The following THOC2 variants were observed in gnomAD, a reference collection of about 807,000 sequenced individuals.
THOC2 encodes THO complex subunit 2.
In THOC2, 10 loss-of-function variants were observed where a neutral mutation model predicts 128.4. That is an observed-to-expected ratio of 0.08 (90% confidence interval 0.05 to 0.13). The LOEUF is 0.13. Ranked by LOEUF, THOC2 falls within the 10% of genes least tolerant of loss-of-function variation. THOC2 has a pLI of 1.00. For missense variants in THOC2, 535 were observed against 1,155.7 expected (o/e 0.46, Z 7.79); for synonymous variants, 393 against 396.9 (o/e 0.99, Z 0.12).
At chrX:123,630,822 C>G (rs1432748217) in intron 22 of THOC2, among the ~76,000 whole-genome samples, 2 of 110,943 alleles carry the variant, frequency 1.8e-5, no homozygotes, top group African/African-American at 6.6e-5. Context: ...AGCACAACCA[C>G]AAGATTGCTG....
At chrX:123,668,420 A>T in intron 9 of THOC2, 106 bp from the exon 10 acceptor site, 1 of 490,909 alleles carries the variant, frequency 2.0e-6, no homozygotes, top group Non-Finnish European at 3.1e-6. Context: ...TAAGAAGTCT[A>T]ACTTATTCGT....
intron 15 of THOC2, among the ~76,000 whole-genome samples, chrX:123,644,011 T>C (rs1034191487): frequency 1.8e-5 from 2 of 112,573 alleles, no homozygotes; most frequent in African/African-American, 6.4e-5. Flanking sequence ...CTGAAGTACA[T>C]GATTTTCATA....
intron 12 of THOC2, among the ~76,000 whole-genome samples, chrX:123,645,956 A>G (rs2048112729): frequency 9.0e-6 from 1 of 111,729 alleles, no homozygotes; most frequent in Non-Finnish European, 1.9e-5. Flanking sequence ...GAGCAAAAAA[A>G]AAAAAAAATT....
rs1421372407 is a variant in THOC2, at chrX:123,647,279, T to C, written c.1387-1904A>G. ...CATGCAAATAAAAGCAATTTTCTTT[T>C]GTTTGGTAGGAAAATATATTCTACT... is the stretch of plus-strand genomic sequence containing the variant. On this transcript the variant is annotated intron_variant, in intron 12 of 38. Transcript: ENST00000245838. Among the ~76,000 whole-genome samples the C allele has an allele frequency of 3.6e-5, 4 of 112,227 alleles. No homozygotes were observed. The East Asian group carries it at 8.4e-4, about 24-fold the overall frequency.
intron 2 of THOC2, among the ~76,000 whole-genome samples, chrX:123,709,523 G>A (rs2051094803): frequency 9.0e-6 from 1 of 111,239 alleles, no homozygotes. Context: ...CCCAGGAGGC[G>A]GAGCTTGCAG....
chrX:123,658,562 A>AT (rs1428369541), intron 12 of THOC2, among the ~76,000 whole-genome samples: 1 of 112,292 alleles, frequency 8.9e-6, no homozygotes, highest in Non-Finnish European at 1.9e-5. Context: ...GGAAACCTAA[A>AT]TGTGTATAAT....
rs2047144524 is a variant in THOC2 at position 123,623,118 on chromosome X, A to G, written c.3669T>C (p.Ser1223=). 1 of 1,209,247 alleles carries G rather than the reference A, an allele frequency of 8.3e-7. No homozygotes were observed. The highest frequency in any genetic ancestry group is 1.1e-6 in the Non-Finnish European group (1 of 894,087). Residue 1223 remains serine, a synonymous_variant, in exon 29 of 39, where the codon AGT becomes AGC. Coordinates refer to ENST00000245838, the MANE Select transcript of THOC2 (RefSeq NM_001081550.2). Reference sequence around the variant, plus strand: ...AAATAAGCATACCAGTCTCCTCAGTACTGCTTTCATCCGATTTAGATGCAC... The same window carrying G: ...AAATAAGCATACCAGTCTCCTCAGTGCTGCTTTCATCCGATTTAGATGCAC... The part of the protein sequence containing the change: ...IGSASKSDES[S]TEETDKSRER...
At chrX:123,651,726 C>G (rs1033125559) in intron 12 of THOC2, among the ~76,000 whole-genome samples, 2 of 93,227 alleles carry the variant, frequency 2.1e-5, no homozygotes, top group African/African-American at 8.5e-5. Context: ...GACACATACG[C>G]CCCCCCCCCA....
intron 16 of THOC2, among the ~76,000 whole-genome samples, 189 bp downstream of exon 16, chrX:123,640,349 C>T (rs780976162): frequency 1.8e-5 from 2 of 111,453 alleles, no homozygotes; most frequent in Admixed American, 1.9e-4. Context: ...ATTATATTGC[C>T]TGTAATAGTA....
rs2072914 is a variant in THOC2 at position 123,624,678 on chromosome X, G to A, written c.3058-9C>T. On this transcript the variant is annotated splice_polypyrimidine_tract_variant and intron_variant, in intron 25 of 38. Transcript: ENST00000245838. Reference sequence around the variant, plus strand: ...ATTATGTCAGAGAAAACCTACAGGAGAAAAATGTTTAAAAAATATAAACAA... The same window carrying A: ...ATTATGTCAGAGAAAACCTACAGGAAAAAAATGTTTAAAAAATATAAACAA... 389,251 of 1,191,846 alleles carry A rather than the reference G, an allele frequency of 0.33. 45,559 individuals are homozygous for A. The highest frequency in any genetic ancestry group is 0.71 in the East Asian group (23,746 of 33,486).
chrX:123,656,047 G>A (rs1023090534), intron 12 of THOC2, among the ~76,000 whole-genome samples: 1 of 109,187 alleles, frequency 9.2e-6, no homozygotes, highest in Non-Finnish European at 1.9e-5. Context: ...TAATGGCCGG[G>A]CGTGGTGGCT....
chrX:123,627,591 A>C, intron 23 of THOC2, 102 bp downstream of exon 23: 1 of 843,534 alleles, frequency 1.2e-6, no homozygotes, highest in Non-Finnish European at 1.7e-6. Flanking sequence ...TATAGCAACA[A>C]GATCACTGTT....
intron 7 of THOC2, among the ~76,000 whole-genome samples, chrX:123,692,460 G>C (rs2050260496): frequency 9.7e-6 from 1 of 102,906 alleles, no homozygotes; most frequent in Non-Finnish European, 2.0e-5. Context: ...TAAAAATTTT[G>C]ATGTGCCAGA....
intron 12 of THOC2, among the ~76,000 whole-genome samples, chrX:123,649,704 C>T (rs747190993): frequency 2.7e-5 from 3 of 110,152 alleles, no homozygotes; most frequent in Admixed American, 9.7e-5. Flanking sequence ...GAAAGGATAT[C>T]AGAGACTGAA....
chrX:123,605,396 ATTTT>A (rs773387802), intron 38 of THOC2, among the ~76,000 whole-genome samples: 1 of 111,377 alleles, frequency 9.0e-6, no homozygotes, highest in African/African-American at 3.3e-5. Flanking sequence ...TATACTCAGT[ATTTT>A]TTTTAAGTAT....
intron 36 of THOC2, 104 bp from the exon 37 acceptor site, chrX:123,611,620 T>TA: frequency 4.1e-6 from 2 of 485,475 alleles, no homozygotes; most frequent in Non-Finnish European, 6.9e-6. Flanking sequence ...TTCAAAAACT[T>TA]ACTTAACATG....
rs1177975477 is a variant in THOC2 at position 123,687,863 on chromosome X, G to A, written c.602-1149C>T. On this transcript the variant is annotated intron_variant, in intron 7 of 38. Transcript: ENST00000245838. ...AGTGATCATGTCTTACTCAAAAAAA[G>A]CTCCATATTTTCATAAACTCTCCAA... is the stretch of plus-strand genomic sequence containing the variant. 2.7e-5 allele frequency among the ~76,000 whole-genome samples: 3 copies of A among 111,610 alleles called. No individual in the cohort carries two copies. The Admixed American group carries it at 2.9e-4, about 11-fold the overall frequency.
Position 123,707,389 on chromosome X carries a change from G to A in THOC2, c.131-440C>T, listed in dbSNP as rs73231119. ...CAGATATATACTCAATTCAATCTCA[G>A]CACTATAGTGACAACAGATAAAGAA... On this transcript the variant is annotated intron_variant, in intron 2 of 38. Transcript: ENST00000245838. Among the ~76,000 whole-genome samples, 1,115 of 111,656 alleles carry A rather than the reference G, an allele frequency of 1.0e-2. 7 individuals are homozygous for A. The highest frequency in any genetic ancestry group is 0.019 in the Middle Eastern group (4 of 214).
chrX:123,712,993 T>TA (rs1267048859), intron 1 of THOC2, 85 bp from the exon 2 acceptor site: 89 of 602,261 alleles, frequency 1.5e-4, no homozygotes, highest in Admixed American at 3.0e-4. Flanking sequence ...AACTGGCAAG[T>TA]AAAAAAAAAT....
Sources: gnomAD v4.1 joint callset for allele counts (sites outside exome capture counted in the v4.1 genomes callset) on GRCh38, gnomAD v4.1.1 for gene constraint, MANE v1.5 for transcripts, NCBI Gene and HGNC (gene_info 2026-07-23, HGNC 2026-07-21) for gene names.